The following SUCLG2 variants were observed in gnomAD, a reference collection of about 807,000 sequenced individuals.
SUCLG2 encodes the protein succinate--CoA ligase [GDP-forming] subunit beta, mitochondrial.
SUCLG2 carries 42 observed loss-of-function variants against 47.9 expected under a neutral mutation model. That is an observed-to-expected ratio of 0.88 (90% CI 0.69 to 1.14). SUCLG2 has a LOEUF of 1.14. Ranked by LOEUF, SUCLG2 falls within the 50% of genes most tolerant of loss-of-function variation. The probability of loss-of-function intolerance (pLI) is 0.00; values close to 1 mark genes in which losing one functional copy is unlikely to be tolerated. For synonymous variants in SUCLG2, 195 were observed against 197.3 expected (o/e 0.99, Z 0.10); for missense variants, 571 against 525.9 (o/e 1.09, Z -0.84).
At chr3:67,406,711 A>G (rs1446003853) in intron 9 of SUCLG2, among the ~76,000 whole-genome samples, 1 of 152,170 alleles carries the variant, frequency 6.6e-6, no homozygotes, top group Non-Finnish European at 1.5e-5. Context: ...CAAATCATGC[A>G]GAGTCTCACA....
In SUCLG2 at chr3:67,374,872, T is replaced by C. The variant is rs1702005598; in HGVS notation, c.*872A>G. 1.0e-6 allele frequency: 1 copy of C among 985,016 alleles called. No homozygotes were observed. The highest frequency in any genetic ancestry group is 1.2e-6 in the Non-Finnish European group (1 of 829,822). The allele number at this position is 985,016 out of a possible 1,614,324, so 61.0% of individuals were successfully genotyped here. ...AAATAAGGTTCCCATCTTTCTACCA[T>C]AAACTGGTAGATTCTGGGAGGATGA... On this transcript the variant is annotated 3_prime_UTR_variant, in exon 11 of 11. Transcript: ENST00000307227.
rs1379610809 is a variant in SUCLG2, at chr3:67,624,606, T to C, written c.85-15010A>G. On this transcript the variant is annotated intron_variant, in intron 1 of 10. Coordinates refer to ENST00000307227, the MANE Select transcript of SUCLG2 (RefSeq NM_003848.4). The stretch of plus-strand genomic sequence containing the variant: ...CCTAGTTATAAAAAAGAAAAACACA[T>C]GCCAAATTTTTCCATCTATGTTAGT... Among the ~76,000 whole-genome samples the C allele has an allele frequency of 2.0e-5, 3 of 152,182 alleles. 1 individual carries two copies. The highest frequency in any genetic ancestry group is 4.4e-5 in the Non-Finnish European group (3 of 68,024).
intron 2 of SUCLG2, among the ~76,000 whole-genome samples, chr3:67,540,163 A>T (rs1290545920): frequency 6.6e-6 from 1 of 151,350 alleles, no homozygotes; most frequent in Non-Finnish European, 1.5e-5. Context: ...TGTCGATTTT[A>T]GCTCTTTCTT....
Position 67,547,612 on chromosome 3 carries a change from A to G in SUCLG2, c.227-18426T>C, listed in dbSNP as rs570504947. Among the ~76,000 whole-genome samples, 3 of 152,316 alleles carry G rather than the reference A, an allele frequency of 2.0e-5. No homozygotes were observed. In the South Asian group the frequency reaches 6.2e-4, roughly 32 times the overall value. On this transcript the variant is annotated intron_variant, in intron 2 of 10. Transcript: ENST00000307227. The stretch of plus-strand genomic sequence containing the variant: ...TGATTTGACTGTGGGGAGGGGGCAG[A>G]TCTTGCTACCCTAGAAGAATTTCCC...
rs1447688730 is a variant in SUCLG2, at chr3:67,529,130, C to A, written c.283G>T (p.Val95Phe). The A allele has an allele frequency of 1.9e-6, 3 of 1,613,526 alleles. No individual in the cohort carries two copies. The highest frequency in any genetic ancestry group is 3.3e-5 in the Admixed American group (2 of 59,962). ...QILAGGRGKG[V>F]FNSGLKGGVH... The stretch of plus-strand genomic sequence containing the variant: ...CCTCCTTTCAAACCACTATTGAAGA[C>A]ACCTTTTCCTCTTCCTCCAGCTAAG... Residue 95 changes from valine to phenylalanine, a missense_variant, in exon 3 of 11, where the codon GTC (valine) becomes TTC (phenylalanine). Physicochemically the swap from Val to Phe is conservative, Grantham distance 50. Transcript: ENST00000307227.
intron 1 of SUCLG2, among the ~76,000 whole-genome samples, chr3:67,614,656 A>G (rs964768139): frequency 6.6e-6 from 1 of 152,022 alleles, no homozygotes. Context: ...AATGGCAGTG[A>G]TCCACTTTTA....
chr3:67,438,430 A>C (rs893999250), intron 9 of SUCLG2, among the ~76,000 whole-genome samples: 10 of 148,996 alleles, frequency 6.7e-5, no homozygotes, highest in Non-Finnish European at 1.3e-4. Flanking sequence ...CCTCCCACCC[A>C]AAAAAAATCA....
At chr3:67,473,862 G>A (rs1318878248) in intron 9 of SUCLG2, among the ~76,000 whole-genome samples, 4 of 152,130 alleles carry the variant, frequency 2.6e-5, no homozygotes, top group Non-Finnish European at 4.4e-5. Context: ...CTCTTATCAT[G>A]CCAGCTCAGC....
chr3:67,408,610 G>C, intron 9 of SUCLG2: 1 of 1,001,614 alleles, frequency 1.0e-6, no homozygotes, highest in Non-Finnish European at 1.2e-6. Flanking sequence ...CTAGGGAAAT[G>C]GGTCTAATTA....
intron 2 of SUCLG2, among the ~76,000 whole-genome samples, chr3:67,593,781 G>A (rs754086445): frequency 8.5e-5 from 13 of 152,238 alleles, no homozygotes; most frequent in South Asian, 2.1e-4. Context: ...GGTCACCCCC[G>A]ACTATGGTGA....
chr3:67,652,461 G>A (rs1046368740), intron 1 of SUCLG2, among the ~76,000 whole-genome samples: 12 of 152,126 alleles, frequency 7.9e-5, no homozygotes, highest in African/African-American at 2.9e-4. Flanking sequence ...TGTCTGCCAC[G>A]GGCAAGGGAC....
intron 9 of SUCLG2, among the ~76,000 whole-genome samples, chr3:67,413,538 T>C (rs1702972855): frequency 6.6e-6 from 1 of 152,220 alleles, no homozygotes. Context: ...CATACATTTA[T>C]CTCAAAAGCC....
chr3:67,551,957 T>C (rs2107196512), intron 2 of SUCLG2, among the ~76,000 whole-genome samples: 1 of 152,120 alleles, frequency 6.6e-6, no homozygotes, highest in Middle Eastern at 3.4e-3. Context: ...CTTAGTATGG[T>C]GCTAAGAGGC....
chr3:67,490,157 G>A (rs1004977606), intron 9 of SUCLG2, among the ~76,000 whole-genome samples: 1 of 152,028 alleles, frequency 6.6e-6, no homozygotes, highest in African/African-American at 2.4e-5. Flanking sequence ...ACAATTTTAC[G>A]GCACCTCAGT....
At chr3:67,551,561 T>A (rs1707015275) in intron 2 of SUCLG2, among the ~76,000 whole-genome samples, 1 of 152,026 alleles carries the variant, frequency 6.6e-6, no homozygotes. Context: ...TCCCCCAACA[T>A]CGATGCAGGG....
At chr3:67,603,852 ATCAG>A (rs1379097344) in intron 2 of SUCLG2, among the ~76,000 whole-genome samples, 1 of 152,246 alleles carries the variant, frequency 6.6e-6, no homozygotes, top group Non-Finnish European at 1.5e-5. Context: ...TAACATGAAG[ATCAG>A]TCATTCACAC....
chr3:67,576,186 A>T (rs1380413997), intron 2 of SUCLG2, among the ~76,000 whole-genome samples: 1 of 152,230 alleles, frequency 6.6e-6, no homozygotes, highest in Non-Finnish European at 1.5e-5. Flanking sequence ...CAATCAACAG[A>T]GTAGCAAACA....
chr3:67,637,084 C>T (rs1250656686), intron 1 of SUCLG2, among the ~76,000 whole-genome samples: 2 of 151,936 alleles, frequency 1.3e-5, no homozygotes, highest in Non-Finnish European at 2.9e-5. Context: ...TATTCACAAG[C>T]CAGAATCAAG....
intron 9 of SUCLG2, among the ~76,000 whole-genome samples, chr3:67,477,022 G>A (rs1418794195): frequency 6.6e-6 from 1 of 152,040 alleles, no homozygotes; most frequent in African/African-American, 2.4e-5. Flanking sequence ...ATTACCCCCT[G>A]AACAACTGTC....
Sources: gnomAD v4.1 joint callset for allele counts (sites outside exome capture counted in the v4.1 genomes callset) on GRCh38, gnomAD v4.1.1 for gene constraint, MANE v1.5 for transcripts, NCBI Gene and HGNC (gene_info 2026-07-23, HGNC 2026-07-21) for gene names.